Variants in MAGI1 observed in about 807,000 individuals in gnomAD.
The protein encoded by MAGI1 is membrane-associated guanylate kinase, WW and PDZ domain-containing protein 1.
In MAGI1, 58 loss-of-function variants were observed where a neutral mutation model predicts 139.9. That is an observed-to-expected ratio of 0.41 (90% CI 0.34 to 0.52). The LOEUF (loss-of-function observed/expected upper bound fraction) is 0.52, where lower values mean the gene tolerates loss of function less well. Among genes scored for constraint, MAGI1 ranks in the 20% least tolerant of loss-of-function variants. The probability of loss-of-function intolerance (pLI) is 0.12; values close to 1 mark genes in which losing one functional copy is unlikely to be tolerated. For synonymous variants in MAGI1, 812 were observed against 737.9 expected (o/e 1.10, Z -1.63); for missense variants, 1,874 against 1,901.6 (o/e 0.99, Z 0.27).
intron 1 of MAGI1, among the ~76,000 whole-genome samples, chr3:66,002,791 C>T (rs915329731): frequency 2.6e-5 from 4 of 152,214 alleles, no homozygotes; most frequent in East Asian, 1.9e-4. Flanking sequence ...GCTGGGATTA[C>T]AGGCATGAGC....
At chr3:65,666,358 G>A (rs1179420944) in intron 1 of MAGI1, among the ~76,000 whole-genome samples, 3 of 152,168 alleles carry the variant, frequency 2.0e-5, no homozygotes, top group East Asian at 3.8e-4. Flanking sequence ...TCATGCTCAG[G>A]ATAGATTTTT....
chr3:66,010,205 C>T (rs2067257066), intron 1 of MAGI1, among the ~76,000 whole-genome samples: 1 of 151,270 alleles, frequency 6.6e-6, no homozygotes, highest in South Asian at 2.1e-4. Context: ...AGTAAGTCAT[C>T]ACAATAACAC....
At chr3:65,684,310 CAGCTTTATGTGTAAT>C (rs2087836568) in intron 1 of MAGI1, among the ~76,000 whole-genome samples, 1 of 151,868 alleles carries the variant, frequency 6.6e-6, no homozygotes, top group African/African-American at 2.4e-5. Flanking sequence ...GCATTCATAA[CAGCTTTATGTGTAAT>C]AGCTAAAAAC....
chr3:65,940,319 C>G (rs1384290647), intron 1 of MAGI1, among the ~76,000 whole-genome samples: 1 of 152,228 alleles, frequency 6.6e-6, no homozygotes, highest in African/African-American at 2.4e-5. Context: ...ATATCATAGA[C>G]TGAGTCACTT....
chr3:65,810,444 G>A (rs188056510), intron 1 of MAGI1, among the ~76,000 whole-genome samples: 2 of 152,336 alleles, frequency 1.3e-5, no homozygotes, highest in Admixed American at 1.3e-4. Context: ...AATGAAACAT[G>A]AGTAATTCCA....
At chr3:65,845,820 C>G (rs114861856) in intron 1 of MAGI1, among the ~76,000 whole-genome samples, 5 of 152,116 alleles carry the variant, frequency 3.3e-5, no homozygotes, top group Non-Finnish European at 7.3e-5. Context: ...CAGTCTTTTA[C>G]GAAAGGTAAG....
At chr3:65,581,418 C>T (rs1385584251) in intron 2 of MAGI1, among the ~76,000 whole-genome samples, 1 of 152,122 alleles carries the variant, frequency 6.6e-6, no homozygotes, top group African/African-American at 2.4e-5. Context: ...ACCCAAAAAC[C>T]TATATTGTAC....
intron 2 of MAGI1, among the ~76,000 whole-genome samples, chr3:65,503,448 A>T (rs989747822): frequency 4.6e-5 from 7 of 152,230 alleles, no homozygotes; most frequent in African/African-American, 1.7e-4. Context: ...CTCAACTATG[A>T]TAACAAAGGT....
chr3:65,499,060 T>TAA (rs60116533), intron 2 of MAGI1: 21,102 of 843,782 alleles, frequency 0.025, 1 homozygote, highest in Middle Eastern at 0.032. Flanking sequence ...AAACCGCTCT[T>TAA]AAAAAAAAAA....
At chr3:65,448,925 C>A (rs1424947784) in intron 6 of MAGI1, among the ~76,000 whole-genome samples, 1 of 152,040 alleles carries the variant, frequency 6.6e-6, no homozygotes, top group Non-Finnish European at 1.5e-5. Context: ...AGGGTCAGGG[C>A]AAGTGGCTCC....
chr3:65,848,082 G>C (rs1394439909), intron 1 of MAGI1, among the ~76,000 whole-genome samples: 1 of 152,146 alleles, frequency 6.6e-6, no homozygotes, highest in Non-Finnish European at 1.5e-5. Flanking sequence ...CAGAGAATAA[G>C]AGTTACCCAA....
At chr3:65,946,692 C>G (rs1389665652) in intron 1 of MAGI1, among the ~76,000 whole-genome samples, 1 of 152,140 alleles carries the variant, frequency 6.6e-6, no homozygotes, top group African/African-American at 2.4e-5. Flanking sequence ...CACACGCACA[C>G]CCAGATCTGG....
At chr3:65,407,348 G>A (rs937162326) in intron 12 of MAGI1, among the ~76,000 whole-genome samples, 4 of 151,702 alleles carry the variant, frequency 2.6e-5, no homozygotes, top group Non-Finnish European at 4.4e-5. Flanking sequence ...TCGGGAGGCT[G>A]AGACAGGAGA....
chr3:65,866,782 C>G (rs1251416472), intron 1 of MAGI1, among the ~76,000 whole-genome samples: 1 of 147,658 alleles, frequency 6.8e-6, no homozygotes, highest in Non-Finnish European at 1.5e-5. Context: ...TTCATCAAAT[C>G]AGCTAGGAAA....
At chr3:65,645,638 T>C (rs943843762) in intron 1 of MAGI1, among the ~76,000 whole-genome samples, 1 of 152,138 alleles carries the variant, frequency 6.6e-6, no homozygotes, top group African/African-American at 2.4e-5. Context: ...AGCAAATACA[T>C]TTCTCTTCTC....
chr3:65,988,054 C>T (rs1000027643), intron 1 of MAGI1, among the ~76,000 whole-genome samples: 1 of 152,206 alleles, frequency 6.6e-6, no homozygotes, highest in Non-Finnish European at 1.5e-5. Context: ...TATCTGAACA[C>T]ATTGTTAAAA....
chr3:66,012,179 A>G (rs992023932), intron 1 of MAGI1, among the ~76,000 whole-genome samples: 11 of 152,140 alleles, frequency 7.2e-5, no homozygotes, highest in African/African-American at 2.4e-4. Flanking sequence ...CAAAACACCA[A>G]ACTTCCAGAT....
At chr3:65,474,070 A>C (rs1458771328) in intron 4 of MAGI1, among the ~76,000 whole-genome samples, 4 of 152,198 alleles carry the variant, frequency 2.6e-5, no homozygotes, top group Non-Finnish European at 5.9e-5. Flanking sequence ...GTTAGACACC[A>C]GTCTAGGCAA....
At chr3:65,525,169 T>C (rs1162417975) in intron 2 of MAGI1, among the ~76,000 whole-genome samples, 1 of 152,040 alleles carries the variant, frequency 6.6e-6, no homozygotes, top group Non-Finnish European at 1.5e-5. Context: ...CTGCCATCAA[T>C]CAGCAAGACT....
Sources: gnomAD v4.1 joint callset for allele counts (sites outside exome capture counted in the v4.1 genomes callset) on GRCh38, gnomAD v4.1.1 for gene constraint, MANE v1.5 for transcripts, NCBI Gene and HGNC (gene_info 2026-07-23, HGNC 2026-07-21) for gene names.